Variants in NFIA observed in about 807,000 individuals in gnomAD.
NFIA encodes the protein nuclear factor 1 A-type.
In NFIA, 8 loss-of-function variants were observed where a neutral mutation model predicts 62.8. The observed-to-expected ratio is 0.13, with a 90% CI of 0.07 to 0.23. The LOEUF is 0.23. Among genes scored for constraint, NFIA ranks in the 10% least tolerant of loss-of-function variants. The pLI, the probability that NFIA is intolerant of heterozygous loss-of-function variation, is 1.00. For synonymous variants in NFIA, 235 were observed against 238.1 expected, an observed-to-expected ratio of 0.99 and a Z score of 0.12; for missense variants, 410 against 642.1, an observed-to-expected ratio of 0.64 and a Z score of 3.91.
At chr1:61,393,248 T>C (rs891910379) in intron 7 of NFIA, among the ~76,000 whole-genome samples, 4 of 34,136 alleles carry the variant, frequency 1.2e-4, no homozygotes, top group East Asian at 3.1e-3. Context: ...CCTCTCCCTC[T>C]CTCTCTCTCT....
At chr1:61,174,082 G>C (rs989045551) in intron 2 of NFIA, among the ~76,000 whole-genome samples, 5 of 152,166 alleles carry the variant, frequency 3.3e-5, no homozygotes, top group Non-Finnish European at 5.9e-5. Context: ...TGTAAGCACT[G>C]TTTGTTATCT....
chr1:61,413,615 CTTTTTTTTTTTT>C lies in NFIA; in HGVS notation c.1420+6906_1420+6917del, dbSNP rs869258274. ...AAATTAACAACAACAAAGTATTTTG[CTTTTTTTTTTTT>C]TTTTTTTTTTTTTTTTTGAGATGGT... On this transcript the variant is annotated intron_variant, in intron 9 of 10. Transcript: ENST00000403491. Among the ~76,000 whole-genome samples the C allele has an allele frequency of 7.3e-5, 5 of 68,392 alleles. No homozygotes were observed. In the South Asian group the frequency reaches 2.3e-3, roughly 31 times the overall value. 44.9% of individuals were successfully genotyped at this position (68,392 alleles called of 152,430 possible).
upstream of NFIA, among the ~76,000 whole-genome samples, chr1:61,079,189 C>CA (rs1646067060): frequency 6.6e-6 from 1 of 152,060 alleles, no homozygotes. Context: ...ACCAGCAGGT[C>CA]AAAAACCAGA....
chr1:61,125,998 A>C (rs1256781468), intron 2 of NFIA, among the ~76,000 whole-genome samples: 1 of 152,194 alleles, frequency 6.6e-6, no homozygotes, highest in Non-Finnish European at 1.5e-5. Context: ...GCAAGATACT[A>C]GAGTAGGTAC....
chr1:61,211,980 T>C (rs966392155), intron 2 of NFIA, among the ~76,000 whole-genome samples: 1 of 152,196 alleles, frequency 6.6e-6, no homozygotes, highest in Non-Finnish European at 1.5e-5. Context: ...GGTTGCTATT[T>C]TTCAAATGTG....
intron 2 of NFIA, among the ~76,000 whole-genome samples, chr1:61,182,898 G>A (rs542766454): frequency 6.6e-6 from 1 of 152,236 alleles, no homozygotes; most frequent in Non-Finnish European, 1.5e-5. Flanking sequence ...CCTTTTCCCC[G>A]AATATTGAAA....
intron 3 of NFIA, among the ~76,000 whole-genome samples, chr1:61,316,249 A>G (rs192050575): frequency 6.6e-6 from 1 of 152,314 alleles, no homozygotes; most frequent in East Asian, 1.9e-4. Flanking sequence ...AGTAGAGGGT[A>G]TGGCTGAGGA....
intron 7 of NFIA, among the ~76,000 whole-genome samples, chr1:61,400,967 G>T (rs1297122286): frequency 6.6e-6 from 1 of 152,166 alleles, no homozygotes; most frequent in African/African-American, 2.4e-5. Flanking sequence ...GTTTCAGTGG[G>T]TTTCATTGTC....
chr1:61,226,288 C>T (rs144190493), intron 2 of NFIA, among the ~76,000 whole-genome samples: 165 of 152,268 alleles, frequency 1.1e-3, no homozygotes, highest in Non-Finnish European at 2.0e-3. Context: ...TGTGTTTTAA[C>T]GAGTCTCCAG....
intron 4 of NFIA, among the ~76,000 whole-genome samples, chr1:61,336,039 TC>T (rs1039410464): frequency 6.6e-6 from 1 of 152,142 alleles, no homozygotes; most frequent in African/African-American, 2.4e-5. Context: ...GGTGTTACTG[TC>T]CCTTTTTATA....
At chr1:61,223,367 A>AG (rs1159158336) in intron 2 of NFIA, among the ~76,000 whole-genome samples, 1 of 152,036 alleles carries the variant, frequency 6.6e-6, no homozygotes, top group African/African-American at 2.4e-5. Flanking sequence ...TTTTAAAAAA[A>AG]GTAGCTTTAA....
chr1:61,370,771 C>A (rs1663840261), intron 6 of NFIA, among the ~76,000 whole-genome samples: 1 of 152,178 alleles, frequency 6.6e-6, no homozygotes, highest in African/African-American at 2.4e-5. Flanking sequence ...AATACTCCCA[C>A]ACTTTGATGA....
chr1:61,197,178 A>G (rs1422315798), intron 2 of NFIA, among the ~76,000 whole-genome samples: 1 of 147,962 alleles, frequency 6.8e-6, no homozygotes, highest in African/African-American at 2.5e-5. Context: ...AGAAACTCAG[A>G]TTTCCCACAG....
intron 2 of NFIA, among the ~76,000 whole-genome samples, chr1:61,211,417 A>G (rs1242042687): frequency 2.0e-5 from 3 of 151,250 alleles, no homozygotes; most frequent in African/African-American, 4.9e-5. Flanking sequence ...TTAAGTAGTA[A>G]TGATGATGAT....
intron 2 of NFIA, among the ~76,000 whole-genome samples, chr1:61,096,766 T>C (rs1646423030): frequency 6.6e-6 from 1 of 151,434 alleles, no homozygotes; most frequent in African/African-American, 2.4e-5. Context: ...TTGGTGAGGC[T>C]GGACTCGAAC....
chr1:61,136,581 T>A (rs1212888103), intron 2 of NFIA, among the ~76,000 whole-genome samples: 1 of 152,222 alleles, frequency 6.6e-6, no homozygotes, highest in Non-Finnish European at 1.5e-5. Context: ...GGAAACTGGA[T>A]GAATTTCAAT....
chr1:61,370,899 T>A (rs1663848453), intron 6 of NFIA, among the ~76,000 whole-genome samples: 1 of 152,178 alleles, frequency 6.6e-6, no homozygotes, highest in Non-Finnish European at 1.5e-5. Context: ...TAGCTGGAAG[T>A]GCACTCACGT....
chr1:61,361,591 A>G (rs1007833185), intron 6 of NFIA, among the ~76,000 whole-genome samples: 3 of 152,006 alleles, frequency 2.0e-5, no homozygotes, highest in African/African-American at 7.2e-5. Flanking sequence ...TCCTCTGGGT[A>G]TATTGGGGGC....
chr1:61,445,627 G>T (rs1186433732), intron 10 of NFIA, among the ~76,000 whole-genome samples: 1 of 152,186 alleles, frequency 6.6e-6, no homozygotes, highest in Non-Finnish European at 1.5e-5. Flanking sequence ...CTGGTTCCGG[G>T]TTTGGGCTTT....
Sources: gnomAD v4.1 joint callset for allele counts (sites outside exome capture counted in the v4.1 genomes callset) on GRCh38, gnomAD v4.1.1 for gene constraint, MANE v1.5 for transcripts, NCBI Gene and HGNC (gene_info 2026-07-23, HGNC 2026-07-21) for gene names.